APOL5: variants seen among roughly 807,000 people sequenced by gnomAD.
The protein encoded by APOL5 is apolipoprotein L, 5.
A neutral mutation model predicts 35.5 loss-of-function variants in APOL5; 29 were observed. That is an observed-to-expected ratio of 0.82 (90% CI 0.61 to 1.11). The LOEUF (loss-of-function observed/expected upper bound fraction) is 1.11. Ranked by LOEUF, APOL5 falls within the 50% of genes most tolerant of loss-of-function variation. APOL5 has a pLI of 0.00. For synonymous variants in APOL5, 188 were observed against 200.2 expected, an observed-to-expected ratio of 0.94 and a Z score of 0.51; for missense variants, 514 against 530.4, an observed-to-expected ratio of 0.97 and a Z score of 0.30.
chr22:35,728,889 C>T lies in APOL5; in HGVS notation c.1293C>T (p.His431=), dbSNP rs757843541. Residue 431 remains histidine, a synonymous_variant, in exon 4 of 5, where the codon CAC becomes CAT. Transcript: ENST00000249044. The part of the protein sequence containing the change: ...ARKGRQAPGR[H]RQ ...AGGGGAGACAGGCCCCGGGAAGACA[C>T]CGACAATGAGAAGAGGTAAGTGGGA... is the stretch of plus-strand genomic sequence containing the variant. The T allele has an allele frequency of 1.9e-6, 3 of 1,601,390 alleles. No homozygotes were observed. Among genetic ancestry groups the T allele is most frequent in the Non-Finnish European group, 2.6e-6 (3 of 1,174,516 alleles).
chr22:35,710,616 T>C, the APOL5 span, among the ~76,000 whole-genome samples: 405 of 152,214 alleles, frequency 2.7e-3, no homozygotes, highest in Non-Finnish European at 3.8e-3. Context: ...ATATTCACAT[T>C]GTTGTGCAGC....
chr22:35,715,674 T>TA (rs1399028902), upstream of APOL5, among the ~76,000 whole-genome samples: 1 of 151,980 alleles, frequency 6.6e-6, no homozygotes, highest in Non-Finnish European at 1.5e-5. Flanking sequence ...CATACATACA[T>TA]AAAAAAACAA....
At chr22:35,724,286 C>CAAA (rs111417764) in intron 2 of APOL5, among the ~76,000 whole-genome samples, 11 of 111,212 alleles carry the variant, frequency 9.9e-5, no homozygotes, top group South Asian at 3.0e-4. Flanking sequence ...AGCCCTGTCT[C>CAAA]AAAAAAAAAA....
chr22:35,728,921 G>C lies in APOL5; in HGVS notation c.*6+17G>C. 2 of 1,567,918 alleles carry C rather than the reference G, an allele frequency of 1.3e-6. No homozygotes were observed. The highest frequency in any genetic ancestry group is 1.7e-6 in the Non-Finnish European group (2 of 1,157,556). Reference sequence around the variant, plus strand: ...TGAGAAGAGGTAAGTGGGACGCAAGGAAGCCAGGAGCTGTGGGAACCCCTG... The same window carrying C: ...TGAGAAGAGGTAAGTGGGACGCAAGCAAGCCAGGAGCTGTGGGAACCCCTG... On this transcript the variant is annotated intron_variant, in intron 4 of 4. Transcript: ENST00000249044.
upstream of APOL5, among the ~76,000 whole-genome samples, chr22:35,717,235 A>AATAT (rs1555930034): frequency 0.27 from 15,522 of 57,504 alleles, 2,976 homozygotes; most frequent in Middle Eastern, 0.37. Flanking sequence ...AAAAAAAAAA[A>AATAT]ATATATATAT....
At chr22:35,711,510 C>T in the APOL5 span, among the ~76,000 whole-genome samples, 1 of 152,158 alleles carries the variant, frequency 6.6e-6, no homozygotes, top group Admixed American at 6.5e-5. Context: ...TATGGACCAG[C>T]TATCTTACAC....
intron 2 of APOL5, among the ~76,000 whole-genome samples, chr22:35,723,779 T>C (rs558072224): frequency 1.3e-5 from 2 of 152,274 alleles, no homozygotes; most frequent in South Asian, 2.1e-4. Flanking sequence ...CTGGCCAACA[T>C]GGCAAAACCC....
At chr22:35,724,294 A>G (rs1183418893) in intron 2 of APOL5, among the ~76,000 whole-genome samples, 1 of 151,904 alleles carries the variant, frequency 6.6e-6, no homozygotes, top group Non-Finnish European at 1.5e-5. Context: ...CTCAAAAAAA[A>G]AAAAAAAAAT....
chr22:35,721,860 G>A (rs1926980532), intron 2 of APOL5, among the ~76,000 whole-genome samples: 2 of 151,734 alleles, frequency 1.3e-5, no homozygotes, highest in South Asian at 4.1e-4. Context: ...CTTAACTCTT[G>A]CCAAAGTGTC....
chr22:35,724,485 C>T (rs1302832700), intron 2 of APOL5, among the ~76,000 whole-genome samples: 3 of 151,820 alleles, frequency 2.0e-5, no homozygotes, highest in Admixed American at 6.6e-5. Flanking sequence ...TATATGTATA[C>T]ATTATAAATG....
chr22:35,711,036 G>T, the APOL5 span, among the ~76,000 whole-genome samples: 2 of 152,302 alleles, frequency 1.3e-5, no homozygotes, highest in East Asian at 3.9e-4. Context: ...GGGCATGGTG[G>T]CACATGCCCG....
chr22:35,728,938 G>A (rs776467421), intron 4 of APOL5, 34 bp downstream of exon 4: 1 of 1,544,560 alleles, frequency 6.5e-7, no homozygotes, highest in Admixed American at 2.0e-5. Context: ...GGAGCTGTGG[G>A]AACCCCTGAC....
Position 35,728,718 on chromosome 22 carries a change from C to T in APOL5, c.1127-5C>T. On this transcript the variant is annotated splice_polypyrimidine_tract_variant and splice_region_variant and intron_variant, in intron 3 of 4. Coordinates refer to ENST00000249044, the MANE Select transcript of APOL5 (RefSeq NM_030642.1). ...TTGTAAGACACAGGGACTCATGTTC[C>T]ACAGGGTCTCGCTCACCTCTCCCCT... 1 of 1,610,528 alleles carries T rather than the reference C, an allele frequency of 6.2e-7. No individual in the cohort carries two copies. Among genetic ancestry groups the T allele is most frequent in the Non-Finnish European group, 8.5e-7 (1 of 1,178,620 alleles).
chr22:35,721,353 G>A (rs1926964826), intron 2 of APOL5, among the ~76,000 whole-genome samples: 1 of 152,020 alleles, frequency 6.6e-6, no homozygotes, highest in Non-Finnish European at 1.5e-5. Context: ...GGACAGATTG[G>A]CCAACATGGT....
At chr22:35,708,433 A>G in the APOL5 span, among the ~76,000 whole-genome samples, 2 of 152,184 alleles carry the variant, frequency 1.3e-5, no homozygotes, top group Non-Finnish European at 2.9e-5. Flanking sequence ...AAAAGAAAAA[A>G]AAAAAAGAAA....
intron 2 of APOL5, among the ~76,000 whole-genome samples, chr22:35,723,405 G>C (rs1166746526): frequency 6.6e-6 from 1 of 152,164 alleles, no homozygotes; most frequent in Non-Finnish European, 1.5e-5. Flanking sequence ...ATAAGAAAAT[G>C]GTACTTAAGA....
rs1210131063 is a variant in APOL5, at chr22:35,720,652, T to A, written c.140T>A (p.Phe47Tyr). Residue 47 changes from phenylalanine (F) to tyrosine (Y), a missense_variant and splice_region_variant, in exon 2 of 5, where the codon TTC becomes TAC. This residue lies in a region of APOL5 where 254 missense variants were observed against 254.7 expected (regional missense o/e 1.00). Coordinates refer to ENST00000249044, the MANE Select transcript of APOL5 (RefSeq NM_030642.1). ...EVWGKSPEPE[F>Y]PSLVNLCQSW... ...TGGGGGAAGTCCCCAGAACCTGAGTTCCGTGAGGGCAGAGAACAGGCTGTT... is the reference window on the plus strand; with the variant it reads ...TGGGGGAAGTCCCCAGAACCTGAGTACCGTGAGGGCAGAGAACAGGCTGTT... 1 of 1,608,380 alleles carries A rather than the reference T, an allele frequency of 6.2e-7. No individual in the cohort carries two copies. The highest frequency in any genetic ancestry group is 8.5e-7 in the Non-Finnish European group (1 of 1,175,226).
chr22:35,713,432 TC>T (rs2145991434), upstream of APOL5, among the ~76,000 whole-genome samples: 1 of 152,266 alleles, frequency 6.6e-6, no homozygotes, highest in East Asian at 1.9e-4. Context: ...TCTGAGTTAT[TC>T]CTCAACCCCT....
intron 2 of APOL5, among the ~76,000 whole-genome samples, chr22:35,721,209 A>G (rs1453559606): frequency 6.6e-6 from 1 of 152,166 alleles, no homozygotes; most frequent in East Asian, 1.9e-4. Context: ...GATAAAATGT[A>G]CACATCCGCA....
Sources: gnomAD v4.1 joint callset for allele counts (sites outside exome capture counted in the v4.1 genomes callset) on GRCh38, gnomAD v4.1.1 for gene constraint, gnomAD v4.1.1 regional missense constraint, MANE v1.5 for transcripts, NCBI Gene and HGNC (gene_info 2026-07-23, HGNC 2026-07-21) for gene names.